HSD17B3: variants seen among roughly 807,000 people sequenced by gnomAD.
HSD17B3 encodes the protein hydroxysteroid 17-beta dehydrogenase 3.
A neutral mutation model predicts 41.1 loss-of-function variants in HSD17B3; 29 were observed. That is an observed-to-expected ratio of 0.71 (90% CI 0.53 to 0.96). The LOEUF is 0.96. Among genes scored for constraint, HSD17B3 ranks in the 40% least tolerant of loss-of-function variants. The pLI is 0.00. For synonymous variants in HSD17B3, 126 were observed against 145.6 expected, an observed-to-expected ratio of 0.87 and a Z score of 0.97; for missense variants, 323 against 374.6, an observed-to-expected ratio of 0.86 and a Z score of 1.14.
At chr9:96,247,377 C>T (rs1260259518) in intron 6 of HSD17B3, 1 of 152,650 alleles carries the variant, frequency 6.6e-6, no homozygotes, top group African/African-American at 2.4e-5. Flanking sequence ...GGGGTGGAGA[C>T]ATCAAGGCAC....
chr9:96,294,315 G>T (rs1827268810), intron 2 of HSD17B3, among the ~76,000 whole-genome samples: 1 of 152,070 alleles, frequency 6.6e-6, no homozygotes, highest in African/African-American at 2.4e-5. Flanking sequence ...TACAAAGCAA[G>T]AATTCATCAA....
At chr9:96,247,777 TG>T (rs1836729300) in intron 6 of HSD17B3, among the ~76,000 whole-genome samples, 1 of 152,304 alleles carries the variant, frequency 6.6e-6, no homozygotes, top group African/African-American at 2.4e-5. Context: ...CTGAATCTCG[TG>T]GGTCCCCGCC....
intron 2 of HSD17B3, among the ~76,000 whole-genome samples, chr9:96,292,663 A>T (rs1046807964): frequency 6.6e-6 from 1 of 152,222 alleles, no homozygotes; most frequent in African/African-American, 2.4e-5. Flanking sequence ...TTGTGAAAAG[A>T]TGTAAACCTA....
At chr9:96,285,494 G>A (rs2181820) in intron 2 of HSD17B3, among the ~76,000 whole-genome samples, 42,289 of 152,042 alleles carry the variant, frequency 0.28, 6,424 homozygotes, top group Non-Finnish European at 0.35. Flanking sequence ...TAGCAACCCC[G>A]TATCAGCTTG....
intron 2 of HSD17B3, among the ~76,000 whole-genome samples, chr9:96,281,034 A>G (rs1405401644): frequency 2.0e-5 from 3 of 152,126 alleles, no homozygotes. Context: ...TGGAGTAGCC[A>G]TTTTTTATTC....
At chr9:96,235,662 T>A in intron 10 of HSD17B3, 92 bp from the exon 11 acceptor site, 1 of 1,006,118 alleles carries the variant, frequency 9.9e-7, no homozygotes, top group Non-Finnish European at 1.5e-6. Context: ...TTTTTCTGAC[T>A]ACTAAAGTGG....
intron 2 of HSD17B3, among the ~76,000 whole-genome samples, chr9:96,276,877 C>G (rs1184553415): frequency 6.6e-6 from 1 of 152,076 alleles, no homozygotes; most frequent in Admixed American, 6.6e-5. Flanking sequence ...ACTGAAAGCA[C>G]AAGCAACAAA....
intron 3 of HSD17B3, among the ~76,000 whole-genome samples, chr9:96,253,277 C>CCG (rs1825501322): frequency 6.6e-6 from 1 of 152,182 alleles, no homozygotes; most frequent in African/African-American, 2.4e-5. Flanking sequence ...GGGTGGAGCC[C>CCG]AGCCAGCCAC....
chr9:96,251,530 G>C, intron 4 of HSD17B3, 45 bp from the exon 5 acceptor site: 1 of 1,531,670 alleles, frequency 6.5e-7, no homozygotes, highest in Non-Finnish European at 9.0e-7. Flanking sequence ...AGATCAGGTG[G>C]GAGATTTTCC....
chr9:96,250,862 T>C (rs1836870691), intron 5 of HSD17B3, among the ~76,000 whole-genome samples: 1 of 141,970 alleles, frequency 7.0e-6, no homozygotes. Context: ...CACACCAGCC[T>C]GGGCGACAGA....
chr9:96,286,334 A>T (rs1371984040), intron 2 of HSD17B3, among the ~76,000 whole-genome samples: 3 of 150,940 alleles, frequency 2.0e-5, no homozygotes, highest in Admixed American at 6.6e-5. Context: ...ACAGAGTGAG[A>T]CTCTGTCTCA....
intron 10 of HSD17B3, among the ~76,000 whole-genome samples, chr9:96,238,059 C>G (rs1417888203): frequency 6.6e-6 from 1 of 152,140 alleles, no homozygotes; most frequent in South Asian, 2.1e-4. Flanking sequence ...ATCTTGAGCC[C>G]AGGAGTTCAA....
At chr9:96,261,813 A>C (rs553466575) in intron 2 of HSD17B3, among the ~76,000 whole-genome samples, 28 of 152,340 alleles carry the variant, frequency 1.8e-4, no homozygotes, top group African/African-American at 6.0e-4. Flanking sequence ...TAGCAATGAC[A>C]GAATGGAGAA....
intron 2 of HSD17B3, among the ~76,000 whole-genome samples, chr9:96,263,488 C>T (rs1454040216): frequency 6.6e-6 from 1 of 151,112 alleles, no homozygotes; most frequent in Non-Finnish European, 1.5e-5. Flanking sequence ...GAGGCCGAAG[C>T]GGGTGGATCA....
intron 2 of HSD17B3, among the ~76,000 whole-genome samples, chr9:96,284,034 A>G (rs968398870): frequency 6.6e-6 from 1 of 152,078 alleles, no homozygotes; most frequent in Middle Eastern, 3.4e-3. Context: ...CCTGGCCAAT[A>G]TGGTGAAACC....
At chr9:96,265,977 G>A (rs1826031544) in intron 2 of HSD17B3, among the ~76,000 whole-genome samples, 1 of 152,174 alleles carries the variant, frequency 6.6e-6, no homozygotes, top group African/African-American at 2.4e-5. Flanking sequence ...TCCTTTGAAA[G>A]TTGGCTCTTT....
intron 2 of HSD17B3, among the ~76,000 whole-genome samples, chr9:96,278,081 G>A (rs976393367): frequency 6.6e-6 from 1 of 152,144 alleles, no homozygotes; most frequent in African/African-American, 2.4e-5. Context: ...TAGAGGCTGG[G>A]GGAGGGGTAA....
chr9:96,239,656 G>T (rs1836357160), intron 10 of HSD17B3: 1 of 152,254 alleles, frequency 6.6e-6, no homozygotes, highest in Non-Finnish European at 1.5e-5. Flanking sequence ...ATGAAAGACA[G>T]AGAGAGATCC....
intron 2 of HSD17B3, among the ~76,000 whole-genome samples, chr9:96,260,391 A>G (rs1303657250): frequency 1.3e-5 from 2 of 152,212 alleles, no homozygotes; most frequent in Admixed American, 1.3e-4. Flanking sequence ...AAATTATGGC[A>G]GTGAAAGAGA....
Sources: gnomAD v4.1 joint callset for allele counts (sites outside exome capture counted in the v4.1 genomes callset) on GRCh38, gnomAD v4.1.1 for gene constraint, MANE v1.5 for transcripts, NCBI Gene and HGNC (gene_info 2026-07-23, HGNC 2026-07-21) for gene names.